Variants in OXNAD1 observed in about 807,000 individuals in gnomAD.
OXNAD1 encodes oxidoreductase NAD-binding domain-containing protein 1.
A neutral mutation model predicts 32.9 loss-of-function variants in OXNAD1; 34 were observed. The observed-to-expected ratio is 1.03, with a 90% CI of 0.79 to 1.38. The LOEUF (loss-of-function observed/expected upper bound fraction) is 1.38. OXNAD1 is among the 40% of genes most tolerant of loss of function. The pLI, the probability that OXNAD1 is intolerant of heterozygous loss-of-function variation, is 0.00. For synonymous variants in OXNAD1, 134 were observed against 135.2 expected, an observed-to-expected ratio of 0.99 and a Z score of 0.06; for missense variants, 407 against 379.4, an observed-to-expected ratio of 1.07 and a Z score of -0.60.
rs776485045 is a variant in OXNAD1 at position 16,303,580 on chromosome 3, A to G, written c.*18A>G. ...GGTGGTAGGAGGCAGACAAAGGCAGAAAAAATAAAGAGGTGAGATCTACTC... is the reference window on the plus strand; with the variant it reads ...GGTGGTAGGAGGCAGACAAAGGCAGGAAAAATAAAGAGGTGAGATCTACTC... On this transcript the variant is annotated 3_prime_UTR_variant, in exon 9 of 9. Coordinates refer to ENST00000285083, the MANE Select transcript of OXNAD1 (RefSeq NM_138381.5). This position sits in a 1 kb window ranked among gnomAD's most constrained non-coding sequence, Gnocchi z 4.8. 6 of 1,610,582 alleles carry G rather than the reference A, an allele frequency of 3.7e-6. No homozygotes were observed.
chr3:16,268,313 C>CTTTTTTTTTTTTTTTTTTT (rs531751365), intron 1 of OXNAD1, among the ~76,000 whole-genome samples: 2 of 60,926 alleles, frequency 3.3e-5, no homozygotes, highest in Non-Finnish European at 6.6e-5. Context: ...AAGAGAACTC[C>CTTTTTTTTTTTTTTTTTTT]TTTTTTTTTT....
At chr3:16,296,296 C>G (rs1277853772) in intron 6 of OXNAD1, among the ~76,000 whole-genome samples, 1 of 152,118 alleles carries the variant, frequency 6.6e-6, no homozygotes. Flanking sequence ...AAGCACAGTT[C>G]ATTTCAATCC....
chr3:16,340,152 C>T (rs955231466), downstream of OXNAD1, among the ~76,000 whole-genome samples: 8 of 152,234 alleles, frequency 5.3e-5, no homozygotes, highest in African/African-American at 1.7e-4. Flanking sequence ...TCCATTGCCA[C>T]GCATTACAGA....
At position 16,277,617 on chromosome 3, in the gene OXNAD1, G is replaced by C. The variant is rs576406632; in HGVS notation, c.183+5895G>C. On this transcript the variant is annotated intron_variant, in intron 4 of 8. Transcript: ENST00000285083. The surrounding 1 kb of genome is among the most constrained non-coding windows in gnomAD (Gnocchi z 4.3). ...CAGGGCCTAGGACATGTCTCTCAGT[G>C]ACGAAAGGAAGCTCCAGCTCAGAAT... Among the ~76,000 whole-genome samples the C allele has an allele frequency of 6.6e-6, 1 of 152,320 alleles. No homozygotes were observed. Among genetic ancestry groups the C allele is most frequent in the East Asian group, 1.9e-4 (1 of 5,192 alleles).
intron 9 of OXNAD1, among the ~76,000 whole-genome samples, chr3:16,318,458 T>C: frequency 6.6e-6 from 1 of 152,214 alleles, no homozygotes; most frequent in Non-Finnish European, 1.5e-5. Flanking sequence ...CTTTAGTATG[T>C]TGTAAATCAT....
At chr3:16,333,861 G>GA (rs1226713423) in intron 9 of OXNAD1, among the ~76,000 whole-genome samples, 2 of 152,150 alleles carry the variant, frequency 1.3e-5, no homozygotes, top group African/African-American at 4.8e-5. Context: ...AATCTCATAA[G>GA]AAAAATGCAA....
At position 16,345,340 on chromosome 3, in the gene OXNAD1, C is replaced by G. The variant is rs2071581636; in HGVS notation, c.*31-3836C>G. The stretch of plus-strand genomic sequence containing the variant: ...AGAATTATCTCCCACTTTTTTATCT[C>G]AAACACATTGGGAAAACCTAAAGAT... On this transcript the variant is annotated intron_variant, in intron 9 of 9. Coordinates refer to the OXNAD1 transcript ENST00000606098. The surrounding 1 kb of genome is among the most constrained non-coding windows in gnomAD (Gnocchi z 5.2). The G allele has an allele frequency of 6.7e-6, 1 of 150,298 alleles. No individual in the cohort carries two copies. Among genetic ancestry groups the G allele is most frequent in the Non-Finnish European group, 1.5e-5 (1 of 67,930 alleles). The allele number at this position is 150,298 out of a possible 1,614,324, so 9.3% of individuals were successfully genotyped here.
At chr3:16,333,358 C>T (rs1575016512) in intron 9 of OXNAD1, among the ~76,000 whole-genome samples, 1 of 152,180 alleles carries the variant, frequency 6.6e-6, no homozygotes, top group Non-Finnish European at 1.5e-5. Flanking sequence ...CTGTTCTGCA[C>T]ATGTTTGCAA....
chr3:16,310,224 ATTAAC>A (rs2067869373), downstream of OXNAD1, among the ~76,000 whole-genome samples: 3 of 152,328 alleles, frequency 2.0e-5, no homozygotes, highest in South Asian at 6.2e-4. Context: ...TTAGACAGTT[ATTAAC>A]TTACGCATTT....
rs964492756 is a variant in OXNAD1 at position 16,317,438 on chromosome 3, G to T, written c.*30+13846G>T. Among the ~76,000 whole-genome samples, 3 of 152,060 alleles carry T rather than the reference G, an allele frequency of 2.0e-5. No homozygotes were observed. Among genetic ancestry groups the T allele is most frequent in the African/African-American group, 4.8e-5 (2 of 41,396 alleles). ...CAAGAGCCTGCACCACACCTTCCAG[G>T]ATGTGTATTTTAGATGTAGATTTCA... On this transcript the variant is annotated intron_variant, in intron 9 of 9. Coordinates refer to the OXNAD1 transcript ENST00000435829. This position sits in a 1 kb window ranked among gnomAD's most constrained non-coding sequence, Gnocchi z 4.3.
chr3:16,301,769 A>G lies in OXNAD1; in HGVS notation c.576A>G (p.Ala192=), dbSNP rs758294275. The change falls in exon 7 of 9, where the codon GCA becomes GCG. Residue 192 remains alanine, a synonymous_variant. Transcript: ENST00000285083. The surrounding 1 kb of genome is among the most constrained non-coding windows in gnomAD (Gnocchi z 4.1). ...TGCTTTCCATCCTGCGGCACGCAGCAGATCTCCTCAGAGAGCAGGCAAACA... is the reference window on the plus strand; with the variant it reads ...TGCTTTCCATCCTGCGGCACGCAGCGGATCTCCTCAGAGAGCAGGCAAACA... ...NPLLSILRHA[A]DLLREQANKR... 6.2e-7 allele frequency: 1 copy of G among 1,614,088 alleles called. No homozygotes were observed. The highest frequency in any genetic ancestry group is 1.7e-5 in the Admixed American group (1 of 60,002).
rs547867828 is a variant in OXNAD1, at chr3:16,298,953, C to T, written c.433-2673C>T. ...TTGATCAACAAAAAGACAAAGATGG[C>T]TTTTAATTCTTCCCGGATGCTACCA... On this transcript the variant is annotated intron_variant, in intron 6 of 8. Transcript: ENST00000285083. This position sits in a 1 kb window ranked among gnomAD's most constrained non-coding sequence, Gnocchi z 5.1. Among the ~76,000 whole-genome samples, 4 of 152,294 alleles carry T rather than the reference C, an allele frequency of 2.6e-5. No individual in the cohort carries two copies. The East Asian group carries it at 7.7e-4, about 29-fold the overall frequency.
chr3:16,285,416 C>T lies in OXNAD1; in HGVS notation c.184-926C>T, dbSNP rs2066008012. ...TTTTGGTTAGTTGCTGATTTGCTGCCACAAGTAAAGATGAACAGACATAGA... is the reference window on the plus strand; with the variant it reads ...TTTTGGTTAGTTGCTGATTTGCTGCTACAAGTAAAGATGAACAGACATAGA... On this transcript the variant is annotated intron_variant, in intron 4 of 8. Transcript: ENST00000285083. Among the ~76,000 whole-genome samples the T allele has an allele frequency of 2.6e-5, 4 of 152,140 alleles. No homozygotes were observed. The South Asian group carries it at 8.3e-4, about 31-fold the overall frequency.
In OXNAD1 at chr3:16,303,520, C is replaced by T. The variant is rs1302914914; in HGVS notation, c.897C>T (p.Asn299=). The T allele has an allele frequency of 1.9e-6, 3 of 1,613,886 alleles. No individual in the cohort carries two copies. Among genetic ancestry groups the T allele is most frequent in the African/African-American group, 1.3e-5 (1 of 74,898 alleles). ...TDFFSKQLEN[N]HVPKEHICFE... is the part of the protein sequence containing the mutation. The stretch of plus-strand genomic sequence containing the variant: ...TTTTCTCCAAGCAACTGGAAAACAA[C>T]CATGTACCCAAAGAACACATTTGCT... The change falls in exon 9 of 9, where the codon AAC becomes AAT. Residue 299 remains asparagine (N), a synonymous_variant. Transcript: ENST00000285083. This position sits in a 1 kb window ranked among gnomAD's most constrained non-coding sequence, Gnocchi z 4.8.
chr3:16,273,522 T>G (rs573862194), intron 4 of OXNAD1, among the ~76,000 whole-genome samples: 2 of 152,144 alleles, frequency 1.3e-5, no homozygotes, highest in Non-Finnish European at 1.5e-5. Context: ...GCCTCCTGAT[T>G]AGCGAGGACT....
rs1160769578 is a variant in OXNAD1 at position 16,301,879 on chromosome 3, T to C, written c.675+11T>C. ...GAACTCCTGTTTAAGGTAAGGGAGG[T>C]ATAGCTTGCTGTAAGCAAACTTGTG... On this transcript the variant is annotated intron_variant, in intron 7 of 8. Transcript: ENST00000285083. This position sits in a 1 kb window ranked among gnomAD's most constrained non-coding sequence, Gnocchi z 4.1. 1 of 1,610,918 alleles carries C rather than the reference T, an allele frequency of 6.2e-7. No homozygotes were observed. The highest frequency in any genetic ancestry group is 2.2e-5 in the East Asian group (1 of 44,830).
At chr3:16,347,339 TACA>T (rs1478425335) in intron 9 of OXNAD1, among the ~76,000 whole-genome samples, 2 of 152,240 alleles carry the variant, frequency 1.3e-5, no homozygotes, top group Non-Finnish European at 1.5e-5. Context: ...ATTGGTGGAT[TACA>T]ACAATAGAAA....
chr3:16,291,230 C>T (rs2066410353), intron 5 of OXNAD1, among the ~76,000 whole-genome samples: 1 of 152,016 alleles, frequency 6.6e-6, no homozygotes, highest in Non-Finnish European at 1.5e-5. Flanking sequence ...TTTTCTTGAC[C>T]CTTTTTTCAT....
rs147915953 is a variant in OXNAD1, at chr3:16,291,781, GCTAA to G, written c.291-3065_291-3062del. ...TAGGCATGGAATTGTTGGGTCATATGCTAACTAACTAACATTTTCAGGCACTATT... is the reference window on the plus strand; with the variant it reads ...TAGGCATGGAATTGTTGGGTCATATGCTAACTAACATTTTCAGGCACTATT... On this transcript the variant is annotated intron_variant, in intron 5 of 8. Coordinates refer to ENST00000285083, the MANE Select transcript of OXNAD1 (RefSeq NM_138381.5). Among the ~76,000 whole-genome samples the G allele has an allele frequency of 5.6e-3, 856 of 152,308 alleles. 11 individuals carry two copies. The highest frequency in any genetic ancestry group is 0.022 in the East Asian group (113 of 5,192).
Sources: allele counts gnomAD v4.1 joint callset (sites outside exome capture counted in the v4.1 genomes callset), GRCh38; gene constraint gnomAD v4.1.1; non-coding constraint Gnocchi (gnomAD v3.1); transcripts MANE v1.5; gene names NCBI Gene and HGNC (gene_info 2026-07-23, HGNC 2026-07-21).